Variants in PSG2 observed in about 807,000 individuals in gnomAD.
The protein encoded by PSG2 is pregnancy-specific beta-1-glycoprotein 2.
PSG2 carries 49 observed loss-of-function variants against 36.2 expected under a neutral mutation model. The observed-to-expected ratio is 1.35, with a 90% CI of 1.08 to 1.72. The LOEUF (loss-of-function observed/expected upper bound fraction) is 1.72. Ranked by LOEUF, PSG2 falls within the 40% of genes most tolerant of loss-of-function variation. PSG2 has a pLI of 0.00. For missense variants in PSG2, 605 were observed against 407.2 expected, an observed-to-expected ratio of 1.49 and a Z score of -4.18; for synonymous variants, 261 against 155.6, an observed-to-expected ratio of 1.68 and a Z score of -5.04.
At chr19:43,080,798 A>T (rs2122919584) in intron 2 of PSG2, 83 bp downstream of exon 2, 4 of 1,610,516 alleles carry the variant, frequency 2.5e-6, no homozygotes, top group Admixed American at 1.7e-5. Context: ...ACACAGGCAC[A>T]GTCTAGGCCT....
chr19:43,066,688 C>G, intron 4 of PSG2, 88 bp from the exon 5 acceptor site: 2 of 1,419,772 alleles, frequency 1.4e-6, no homozygotes, highest in Non-Finnish European at 2.0e-6. Context: ...ACATGAGGTA[C>G]TCTATAATTG....
Position 43,071,799 on chromosome 19 carries a change from G to A in PSG2, c.865C>T (p.Pro289Ser), listed in dbSNP as rs574792687. 4 of 1,612,860 alleles carry A rather than the reference G, an allele frequency of 2.5e-6. No homozygotes were observed. The South Asian group carries it at 4.4e-5, about 18-fold the overall frequency. ...CCGCTATGCTTTGTAGTAATTTGGG[G>A]GATAAACAGATTTTGTCCTGATTGC... ...FQQSGQNLFIPQITTKHSGLY... is the reference protein window; with the variant it reads ...FQQSGQNLFISQITTKHSGLY... The change falls in exon 4 of 6, where the codon CCC becomes TCC. Residue 289 changes from proline (P) to serine (S), a missense_variant. Transcript: ENST00000406487.
In PSG2 at chr19:43,071,453, G is replaced by T. The variant is rs543621884; in HGVS notation, c.964+247C>A. Among the ~76,000 whole-genome samples the T allele has an allele frequency of 1.3e-4, 20 of 151,638 alleles. 1 individual carries two copies. The East Asian group carries it at 3.9e-3, about 29-fold the overall frequency. On this transcript the variant is annotated intron_variant, in intron 4 of 5. Transcript: ENST00000406487. ...TGTGAAGCCTCTTCTACCACATAGG[G>T]CTCAGGGCTGATAATGACCCCTCCC...
chr19:43,074,034 C>G (rs573408817), intron 3 of PSG2, among the ~76,000 whole-genome samples: 7 of 151,654 alleles, frequency 4.6e-5, no homozygotes, highest in South Asian at 2.1e-4. Context: ...AGTTTTCGGT[C>G]AATTCCATAC....
chr19:43,073,615 C>T (rs1379476305), intron 3 of PSG2, among the ~76,000 whole-genome samples: 1 of 151,572 alleles, frequency 6.6e-6, no homozygotes, highest in Admixed American at 6.6e-5. Context: ...ACTCTAGGGA[C>T]CTCATGTAAG....
Position 43,071,839 on chromosome 19 carries a change from A to G in PSG2, c.825T>C (p.Ile275=). 1 of 1,613,176 alleles carries G rather than the reference A, an allele frequency of 6.2e-7. No individual in the cohort carries two copies. The highest frequency in any genetic ancestry group is 8.5e-7 in the Non-Finnish European group (1 of 1,179,640). Residue 275 remains isoleucine (I), a synonymous_variant, in exon 4 of 6, where the codon ATT becomes ATC. Coordinates refer to ENST00000406487, the MANE Select transcript of PSG2 (RefSeq NM_031246.4). The stretch of plus-strand genomic sequence containing the variant: ...GTCCTGATTGCTGAAACTTCCCATT[A>G]ATTGTCCAAGAATACTGTGCCGGTG... ...SNPPAQYSWT[I]NGKFQQSGQN... is the part of the protein sequence containing the mutation.
intron 3 of PSG2, chr19:43,072,543 T>G (rs1057135180): frequency 2.0e-5 from 33 of 1,611,212 alleles, no homozygotes; most frequent in Non-Finnish European, 2.8e-5. Context: ...TAGCTCTCAC[T>G]CTTAGGTTCA....
intron 4 of PSG2, among the ~76,000 whole-genome samples, chr19:43,067,400 C>CA (rs1242835813): frequency 1.3e-5 from 2 of 151,132 alleles, no homozygotes; most frequent in Non-Finnish European, 2.9e-5. Flanking sequence ...TTCTCTCCCA[C>CA]AAGCAGTCAG....
At chr19:43,074,555 A>T (rs1967864445) in intron 3 of PSG2, among the ~76,000 whole-genome samples, 1 of 151,634 alleles carries the variant, frequency 6.6e-6, no homozygotes, top group Non-Finnish European at 1.5e-5. Flanking sequence ...GACAGGCAAA[A>T]GCTGGTGGTT....
chr19:43,079,126 G>C lies in PSG2; in HGVS notation c.430+1755C>G, dbSNP rs1243999354. ...AGGCCTAGGTGTGAGGGAAGAAGCT[G>C]TGCAGGACAGGGCTTGCCAGTCAGA... On this transcript the variant is annotated intron_variant, in intron 2 of 5. Transcript: ENST00000406487. 4.6e-5 allele frequency among the ~76,000 whole-genome samples: 7 copies of C among 151,798 alleles called. No individual in the cohort carries two copies. In the South Asian group the frequency reaches 1.2e-3, roughly 27 times the overall value.
At chr19:43,067,741 G>T (rs922054217) in intron 4 of PSG2, among the ~76,000 whole-genome samples, 4 of 151,318 alleles carry the variant, frequency 2.6e-5, no homozygotes, top group Non-Finnish European at 5.9e-5. Context: ...TCTGTGTGTG[G>T]CATCTTGTTT....
At position 43,071,912 on chromosome 19, in the gene PSG2, T is replaced by G. The variant is rs568375117; in HGVS notation, c.752A>C (p.Tyr251Ser). The change falls in exon 4 of 6, where the codon TAC becomes TCC. Residue 251 changes from tyrosine (Y) to serine (S), a missense_variant. Transcript: ENST00000406487. ...LPRIHPSYTN[Y>S]RSGDNLYLSC... ...CAAGTAGAGGTTATCTCCTGAACGG[T>G]AATTGGTGTATGAAGGGTGAATTCT... 6.2e-7 allele frequency: 1 copy of G among 1,612,488 alleles called. No individual in the cohort carries two copies. Among genetic ancestry groups the G allele is most frequent in the Admixed American group, 1.7e-5 (1 of 59,942 alleles).
chr19:43,078,647 C>A (rs181315453), intron 2 of PSG2, among the ~76,000 whole-genome samples: 2 of 151,562 alleles, frequency 1.3e-5, no homozygotes, highest in South Asian at 2.1e-4. Flanking sequence ...CAGTCCTGTG[C>A]CCCTGAAACT....
In PSG2 at chr19:43,081,642, C is replaced by A. The variant is rs184857240; in HGVS notation, c.65-396G>T. The stretch of plus-strand genomic sequence containing the variant: ...GTCTTCCCTTTCTGACCTTTCCCTG[C>A]TCTGCTCCCTAAAGGGTTCTTGTTA... On this transcript the variant is annotated intron_variant, in intron 1 of 5. Coordinates refer to ENST00000406487, the MANE Select transcript of PSG2 (RefSeq NM_031246.4). 5.3e-3 allele frequency: 1,137 copies of A among 215,420 alleles called. 37 individuals are homozygous for A. Among genetic ancestry groups the A allele is most frequent in the Admixed American group, 0.044 (864 of 19,442 alleles). The allele number at this position is 215,420 out of a possible 1,614,324, so 13.3% of individuals were successfully genotyped here.
chr19:43,071,552 A>T, intron 4 of PSG2, 148 bp downstream of exon 4: 1 of 1,591,470 alleles, frequency 6.3e-7, no homozygotes, highest in Non-Finnish European at 8.6e-7. Flanking sequence ...TTGTAGAGAC[A>T]AATTGGGAGG....
intron 3 of PSG2, among the ~76,000 whole-genome samples, chr19:43,073,592 C>T (rs181695568): frequency 1.3e-5 from 2 of 151,606 alleles, no homozygotes; most frequent in African/African-American, 4.9e-5. Flanking sequence ...TCTGTGATTC[C>T]CTGGGTTCGA....
At chr19:43,072,484 C>A (rs975711656) in intron 3 of PSG2, 17 of 1,611,120 alleles carry the variant, frequency 1.1e-5, no homozygotes, top group Non-Finnish European at 1.4e-5. Context: ...GTCGCTTTAC[C>A]CTGGGACTGA....
rs1324405239 is a variant in PSG2, at chr19:43,064,614, G to C, written c.*41-13C>G. The stretch of plus-strand genomic sequence containing the variant: ...TTCCATAAATCTCCTTGAAGAAAAA[G>C]CAATTTTGGACTGTAGGTGATTGTA... On this transcript the variant is annotated splice_polypyrimidine_tract_variant and intron_variant, in intron 5 of 5. Coordinates refer to ENST00000406487, the MANE Select transcript of PSG2 (RefSeq NM_031246.4). 2 of 640,034 alleles carry C rather than the reference G, an allele frequency of 3.1e-6. No individual in the cohort carries two copies. Among genetic ancestry groups the C allele is most frequent in the Admixed American group, 4.4e-5 (2 of 45,188 alleles). The allele number at this position is 640,034 out of a possible 1,614,324, so 39.6% of individuals were successfully genotyped here.
chr19:43,080,273 C>T (rs1375093402), intron 2 of PSG2, among the ~76,000 whole-genome samples: 1 of 151,722 alleles, frequency 6.6e-6, no homozygotes, highest in African/African-American at 2.4e-5. Flanking sequence ...CTGTCCTCTC[C>T]ACTCTGCCTC....
Sources: gnomAD v4.1 joint callset for allele counts (sites outside exome capture counted in the v4.1 genomes callset) on GRCh38, gnomAD v4.1.1 for gene constraint, MANE v1.5 for transcripts, NCBI Gene and HGNC (gene_info 2026-07-23, HGNC 2026-07-21) for gene names.